TDRD12: variants seen among roughly 807,000 people sequenced by gnomAD.
TDRD12 encodes the protein putative ATP-dependent RNA helicase TDRD12.
Under a neutral mutation model 133.5 loss-of-function variants are expected in TDRD12, and 158 were observed. That is an observed-to-expected ratio of 1.18 (90% CI 1.04 to 1.35). TDRD12 has a LOEUF of 1.35. Ranked by LOEUF, TDRD12 falls within the 40% of genes most tolerant of loss-of-function variation. The pLI is 0.00. For synonymous variants in TDRD12, 460 were observed against 477.9 expected, an observed-to-expected ratio of 0.96 and a Z score of 0.49; for missense variants, 1,443 against 1,321.3, an observed-to-expected ratio of 1.09 and a Z score of -1.43.
rs552772777 is a variant in TDRD12 at position 32,722,116 on chromosome 19, A to G, written c.24+2020A>G. Among the ~76,000 whole-genome samples the G allele has an allele frequency of 6.6e-5, 10 of 152,288 alleles. 1 individual carries two copies. In the South Asian group the frequency reaches 1.9e-3, roughly 28 times the overall value. ...AATGTTTGAGGAAGCTGACTCTTAC[A>G]GAGAATTTGCCCTCAGACTTTTAGG... is the stretch of plus-strand genomic sequence containing the variant. On this transcript the variant is annotated intron_variant, in intron 1 of 27. Transcript: ENST00000444215.
chr19:32,769,888 A>G (rs574150993), intron 8 of TDRD12, among the ~76,000 whole-genome samples: 5 of 152,212 alleles, frequency 3.3e-5, no homozygotes, highest in African/African-American at 7.2e-5. Flanking sequence ...CACCCGCCTC[A>G]GCCTCCCAAA....
At chr19:32,740,713 C>T (rs34425841) in intron 3 of TDRD12, among the ~76,000 whole-genome samples, 19,030 of 152,158 alleles carry the variant, frequency 0.13, 1,576 homozygotes, top group East Asian at 0.2. Context: ...AGAGAAACGC[C>T]TCTCTCCACA....
At chr19:32,775,078 C>T (rs1182390490) in intron 10 of TDRD12, among the ~76,000 whole-genome samples, 1 of 152,010 alleles carries the variant, frequency 6.6e-6, no homozygotes, top group African/African-American at 2.4e-5. Flanking sequence ...AGCTTTCTTA[C>T]ATCAAATAGT....
chr19:32,812,060 G>A (rs879564209), intron 24 of TDRD12, among the ~76,000 whole-genome samples: 1 of 152,242 alleles, frequency 6.6e-6, no homozygotes, highest in South Asian at 2.1e-4. Context: ...GCTTCGTGGG[G>A]TAACTAGGGT....
chr19:32,722,491 A>G (rs1185710753), intron 1 of TDRD12, among the ~76,000 whole-genome samples: 1 of 152,040 alleles, frequency 6.6e-6, no homozygotes, highest in Non-Finnish European at 1.5e-5. Flanking sequence ...CTGCAGATGA[A>G]GTTAGCTTTT....
In TDRD12 at chr19:32,800,440, C is replaced by G. The variant is rs1971355589; in HGVS notation, c.1950+82C>G. 5 of 1,134,546 alleles carry G rather than the reference C, an allele frequency of 4.4e-6. No homozygotes were observed. The East Asian group carries it at 1.3e-4, about 30-fold the overall frequency. The allele number at this position is 1,134,546 out of a possible 1,614,324, so 70.3% of individuals were successfully genotyped here. ...GGGGCTGATGAACACAAGCAAGTAA[C>G]TTTTATTTCATGGCTTAGTATTAAA... On this transcript the variant is annotated intron_variant, in intron 17 of 27. Transcript: ENST00000444215.
chr19:32,819,788 A>G (rs1482174940), intron 27 of TDRD12, among the ~76,000 whole-genome samples: 1 of 152,166 alleles, frequency 6.6e-6, no homozygotes, highest in Non-Finnish European at 1.5e-5. Flanking sequence ...AAGCCACAGG[A>G]CTTGGCGGTT....
chr19:32,795,106 G>A (rs1023204237), intron 14 of TDRD12, among the ~76,000 whole-genome samples: 2 of 151,982 alleles, frequency 1.3e-5, no homozygotes, highest in South Asian at 2.1e-4. Context: ...AGGCCGAGGC[G>A]AGTGGATCAT....
Position 32,769,185 on chromosome 19 carries a change from T to C in TDRD12, c.866-3568T>C, listed in dbSNP as rs530230261. Among the ~76,000 whole-genome samples the C allele has an allele frequency of 2.0e-5, 3 of 152,308 alleles. No homozygotes were observed. The East Asian group carries it at 5.8e-4, about 29-fold the overall frequency. On this transcript the variant is annotated intron_variant, in intron 8 of 27. Coordinates refer to ENST00000444215, the Ensembl canonical transcript of TDRD12. The stretch of plus-strand genomic sequence containing the variant: ...AAAGTCTAGCTAATCCTTTTTCTTT[T>C]AGGATTTTATGTCCTATTTAAGAAA...
intron 27 of TDRD12, among the ~76,000 whole-genome samples, chr19:32,820,436 A>G (rs955685624): frequency 1.3e-5 from 2 of 152,146 alleles, no homozygotes; most frequent in African/African-American, 4.8e-5. Context: ...AACCACATGA[A>G]TGTGGTTACC....
intron 16 of TDRD12, among the ~76,000 whole-genome samples, chr19:32,799,490 G>A (rs1015352394): frequency 6.6e-5 from 10 of 151,982 alleles, no homozygotes; most frequent in East Asian, 1.9e-4. Context: ...ACATTAATTC[G>A]TATTGATCAT....
At chr19:32,784,866 TTC>T (rs1419186088) in intron 11 of TDRD12, among the ~76,000 whole-genome samples, 1 of 152,206 alleles carries the variant, frequency 6.6e-6, no homozygotes, top group Non-Finnish European at 1.5e-5. Flanking sequence ...TATTTGATTC[TTC>T]TCTCTTTTCT....
At chr19:32,743,068 G>A (rs1049435068) in intron 4 of TDRD12, among the ~76,000 whole-genome samples, 168 bp downstream of exon 4, 2 of 152,256 alleles carry the variant, frequency 1.3e-5, no homozygotes, top group Non-Finnish European at 2.9e-5. Context: ...GGTTGAGGGG[G>A]TTTGGAGCAG....
chr19:32,740,383 GTCTGCATCTCCTGGGTACTC>G (rs1969383605), intron 3 of TDRD12, among the ~76,000 whole-genome samples: 3 of 91,508 alleles, frequency 3.3e-5, no homozygotes, highest in African/African-American at 8.8e-5. Context: ...CCTGGGTGCT[GTCTGCATCTCCTGGGTACTC>G]TCTGCATCTC....
chr19:32,791,007 G>A (rs1458533810), exon 13 of TDRD12: 41 of 1,535,952 alleles, frequency 2.7e-5, no homozygotes, highest in Non-Finnish European at 3.2e-5. Flanking sequence ...GTAGTGCTCC[G>A]GAACAAGATC....
chr19:32,758,689 C>T (rs1443853704), intron 8 of TDRD12, among the ~76,000 whole-genome samples: 1 of 152,174 alleles, frequency 6.6e-6, no homozygotes, highest in Non-Finnish European at 1.5e-5. Flanking sequence ...AATCCCAGCA[C>T]CTTGGGAGGT....
At chr19:32,797,298 A>C (rs1023460952) in intron 14 of TDRD12, among the ~76,000 whole-genome samples, 3 of 152,060 alleles carry the variant, frequency 2.0e-5, no homozygotes. Context: ...GTCTTTTTTA[A>C]GGCCCCTTTC....
At chr19:32,814,321 C>A (rs902861396) in intron 25 of TDRD12, among the ~76,000 whole-genome samples, 5 of 152,184 alleles carry the variant, frequency 3.3e-5, no homozygotes, top group African/African-American at 1.2e-4. Context: ...TGCTTGTTCC[C>A]CAAGAGCTCC....
At chr19:32,754,669 C>CTTTTTTTTTTTTTTTTTTTTTTTTTTT (rs35714049) in intron 6 of TDRD12, among the ~76,000 whole-genome samples, 4 of 70,074 alleles carry the variant, frequency 5.7e-5, no homozygotes, top group Non-Finnish European at 5.0e-5. Context: ...ATGACTCTAT[C>CTTTTTTTTTTTTTTTTTTTTTTTTTTT]TTTTTTTTTT....
Sources: allele counts gnomAD v4.1 joint callset (sites outside exome capture counted in the v4.1 genomes callset), GRCh38; gene constraint gnomAD v4.1.1; transcripts MANE v1.5; gene names NCBI Gene and HGNC (gene_info 2026-07-23, HGNC 2026-07-21).